The following ISG15 variants were observed in gnomAD, a reference collection of about 807,000 sequenced individuals.
ISG15 encodes ISG15 ubiquitin like modifier.
A neutral mutation model predicts 2.4 loss-of-function variants in ISG15; 2 were observed. The observed-to-expected ratio is 0.82, with a 90% confidence interval of 0.33 to 2.57. The LOEUF (loss-of-function observed/expected upper bound fraction) is 2.57. Ranked by LOEUF, ISG15 falls within the 30% of genes most tolerant of loss-of-function variation. The probability of loss-of-function intolerance (pLI) is 0.11; values close to 1 mark genes in which losing one functional copy is unlikely to be tolerated. For synonymous variants in ISG15, 116 were observed against 108.1 expected, an observed-to-expected ratio of 1.07 and a Z score of -0.45; for missense variants, 224 against 228.4, an observed-to-expected ratio of 0.98 and a Z score of 0.13.
In ISG15 at chr1:1,014,293, G is replaced by A. The variant is rs1644250754; in HGVS notation, c.313G>A (p.Ala105Thr). The A allele has an allele frequency of 3.1e-6, 5 of 1,613,666 alleles. No homozygotes were observed. Among genetic ancestry groups the A allele is most frequent in the Non-Finnish European group, 4.2e-6 (5 of 1,180,006 alleles). ...TYEVRLTQTV[A>T]HLKQQVSGLE... ...CGAGGTACGGCTGACGCAGACCGTG[G>A]CCCACCTGAAGCAGCAAGTGAGCGG... The change falls in exon 2 of 2, where the codon GCC becomes ACC. Residue 105 changes from alanine (A) to threonine (T), a missense_variant. By Grantham distance (58) the Ala-to-Thr change is moderately conservative (BLOSUM62 0). Transcript: ENST00000649529.
Position 1,014,464 on chromosome 1 carries a change from G to T in ISG15, c.484G>T (p.Gly162Cys). The change falls in exon 2 of 2, where the codon GGC (glycine) becomes TGC (cysteine). Residue 162 changes from glycine (G) to cysteine (C), a missense_variant. Physicochemically the swap from Gly to Cys is radical, Grantham distance 159. Coordinates refer to ENST00000649529, the MANE Select transcript of ISG15 (RefSeq NM_005101.4). The stretch of plus-strand genomic sequence containing the variant: ...CCTGCGGGGAGGCGGCACAGAGCCT[G>T]GCGGGCGGAGCTAAGGGCCTCCACC... ...LRLRGGGTEP[G>C]GRS 1 of 1,605,626 alleles carries T rather than the reference G, an allele frequency of 6.2e-7. No individual in the cohort carries two copies. Among genetic ancestry groups the T allele is most frequent in the Non-Finnish European group, 8.5e-7 (1 of 1,174,532 alleles).
chr1:1,014,401 G>C lies in ISG15; in HGVS notation c.421G>C (p.Gly141Arg). ...LEDQLPLGEY[G>R]LKPLSTVFMN... is the part of the protein sequence containing the mutation. Reference sequence around the variant, plus strand: ...GGACCAGCTCCCGCTGGGGGAGTACGGCCTCAAGCCCCTGAGCACCGTGTT... The same window carrying C: ...GGACCAGCTCCCGCTGGGGGAGTACCGCCTCAAGCCCCTGAGCACCGTGTT... Residue 141 changes from glycine (G) to arginine (R), a missense_variant, in exon 2 of 2, where the codon GGC becomes CGC. Transcript: ENST00000649529. 2 of 1,613,194 alleles carry C rather than the reference G, an allele frequency of 1.2e-6. No homozygotes were observed. The highest frequency in any genetic ancestry group is 1.7e-6 in the Non-Finnish European group (2 of 1,180,016).
chr1:1,014,366 A>C lies in ISG15; in HGVS notation c.386A>C (p.Lys129Thr), dbSNP rs368702112. ...DDLFWLTFEG[K>T]PLEDQLPLGE... is the part of the protein sequence containing the mutation. ...CTGTTCTGGCTGACCTTCGAGGGGA[A>C]GCCCCTGGAGGACCAGCTCCCGCTG... The change falls in exon 2 of 2, where the codon AAG (lysine) becomes ACG (threonine). Residue 129 changes from lysine (K) to threonine (T), a missense_variant. Lys to Thr is a moderately conservative substitution (Grantham distance 78, BLOSUM62 -1). Transcript: ENST00000649529. 6.2e-7 allele frequency: 1 copy of C among 1,613,322 alleles called. No individual in the cohort carries two copies.
rs776822324 is a variant in ISG15 at position 1,014,362 on chromosome 1, G to A, written c.382G>A (p.Gly128Arg). 6.2e-7 allele frequency: 1 copy of A among 1,613,552 alleles called. No homozygotes were observed. The highest frequency in any genetic ancestry group is 1.1e-5 in the South Asian group (1 of 91,090). Residue 128 changes from glycine (G) to arginine (R), a missense_variant, in exon 2 of 2, where the codon GGG (glycine) becomes AGG (arginine). Physicochemically the swap from Gly to Arg is moderately radical, Grantham distance 125 (BLOSUM62 -2). Coordinates refer to ENST00000649529, the MANE Select transcript of ISG15 (RefSeq NM_005101.4). ...CGACCTGTTCTGGCTGACCTTCGAG[G>A]GGAAGCCCCTGGAGGACCAGCTCCC... ...QDDLFWLTFE[G>R]KPLEDQLPLG...
chr1:1,013,723 T>C, intron 1 of ISG15, 147 bp downstream of exon 1: 1 of 1,031,264 alleles, frequency 9.7e-7, no homozygotes, highest in Non-Finnish European at 1.4e-6. Context: ...TGAAAGCAGG[T>C]CACCCCTGAG....
At position 1,014,115 on chromosome 1, in the gene ISG15, G is replaced by T. The variant is rs556836730; in HGVS notation, c.135G>T (p.Leu45=). ...GCGTGCACGCCTTCCAGCAGCGTCT[G>T]GCTGTCCACCCGAGCGGTGTGGCGC... ...KIGVHAFQQR[L]AVHPSGVALQ... is the part of the protein sequence containing the mutation. Residue 45 remains leucine (L), a synonymous_variant, in exon 2 of 2, where the codon CTG becomes CTT. Coordinates refer to ENST00000649529, the MANE Select transcript of ISG15 (RefSeq NM_005101.4). The T allele has an allele frequency of 8.7e-5, 140 of 1,613,214 alleles. No homozygotes were observed. The highest frequency in any genetic ancestry group is 8.0e-4 in the Admixed American group (48 of 60,010).
rs1013005860 is a variant in ISG15 at position 1,013,933 on chromosome 1, G to C, written c.4-51G>C. 1.9e-6 allele frequency: 3 copies of C among 1,544,370 alleles called. No homozygotes were observed. In the African/African-American group the frequency reaches 4.1e-5, roughly 21 times the overall value. On this transcript the variant is annotated intron_variant, in intron 1 of 1. Transcript: ENST00000649529. ...GCCCTGCAGCCAGTGCCTTGTGTGT[G>C]GTGGGCCTGGGGCTGGCGCCGCAGT... is the stretch of plus-strand genomic sequence containing the variant.
In ISG15 at chr1:1,014,152, G is replaced by T. The variant is rs757468186; in HGVS notation, c.172G>T (p.Val58Phe). 3.7e-6 allele frequency: 6 copies of T among 1,612,584 alleles called. No homozygotes were observed. The African/African-American group carries it at 8.0e-5, about 22-fold the overall frequency. Reference sequence around the variant, plus strand: ...GAGCGGTGTGGCGCTGCAGGACAGGGTCCCCCTTGCCAGCCAGGGCCTGGG... The same window carrying T: ...GAGCGGTGTGGCGCTGCAGGACAGGTTCCCCCTTGCCAGCCAGGGCCTGGG... ...HPSGVALQDR[V>F]PLASQGLGPG... The change falls in exon 2 of 2, where the codon GTC becomes TTC. Residue 58 changes from valine (V) to phenylalanine (F), a missense_variant. Val to Phe is a conservative substitution (Grantham distance 50, BLOSUM62 -1). Transcript: ENST00000649529.
chr1:1,013,847 C>T, intron 1 of ISG15, 137 bp from the exon 2 acceptor site: 14 of 1,236,660 alleles, frequency 1.1e-5, no homozygotes, highest in Non-Finnish European at 1.6e-5. Flanking sequence ...TGCCTGGGGT[C>T]CCTGCCGGCG....
In ISG15 at chr1:1,014,073, G is replaced by T. The variant is rs922906962; in HGVS notation, c.93G>T (p.Gln31His). ...TGTCGGTGTCAGAGCTGAAGGCGCA[G>T]ATCACCCAGAAGATCGGCGTGCACG... ...SSMSVSELKA[Q>H]ITQKIGVHAF... Residue 31 changes from glutamine to histidine, a missense_variant, in exon 2 of 2, where the codon CAG becomes CAT. Coordinates refer to ENST00000649529, the MANE Select transcript of ISG15 (RefSeq NM_005101.4). The T allele has an allele frequency of 2.5e-6, 4 of 1,613,184 alleles. No individual in the cohort carries two copies. The South Asian group carries it at 4.4e-5, about 18-fold the overall frequency.
At position 1,013,573 on chromosome 1, in the gene ISG15, C is replaced by G; in HGVS notation, c.-1C>G. On this transcript the variant is annotated 5_prime_UTR_variant, in exon 1 of 2. Transcript: ENST00000649529. ...TGGCCCACAGCCCACAGCCCACAGC[C>G]ATGGTAAGGCAGATGTCACAGGTGG... 6.2e-7 allele frequency: 1 copy of G among 1,613,616 alleles called. No homozygotes were observed. The highest frequency in any genetic ancestry group is 8.5e-7 in the Non-Finnish European group (1 of 1,179,906).
At position 1,014,504 on chromosome 1, in the gene ISG15, A is replaced by C. The variant is rs111516543; in HGVS notation, c.*26A>C. On this transcript the variant is annotated 3_prime_UTR_variant, in exon 2 of 2. Transcript: ENST00000649529. ...GGGCCTCCACCAGCATCCGAGCAGG[A>C]TCAAGGGCCGGAAATAAAGGCTGTT... The C allele has an allele frequency of 6.6e-5, 104 of 1,573,006 alleles. No homozygotes were observed. In the African/African-American group the frequency reaches 1.0e-3, roughly 16 times the overall value.
chr1:1,014,236 G>C lies in ISG15; in HGVS notation c.256G>C (p.Val86Leu). 1 of 1,613,616 alleles carries C rather than the reference G, an allele frequency of 6.2e-7. No individual in the cohort carries two copies. The highest frequency in any genetic ancestry group is 8.5e-7 in the Non-Finnish European group (1 of 1,179,996). The change falls in exon 2 of 2, where the codon GTG becomes CTG. Residue 86 changes from valine (V) to leucine (L), a missense_variant. Transcript: ENST00000649529. ...ATGCGACGAACCTCTGAGCATCCTGGTGAGGAATAACAAGGGCCGCAGCAG... is the reference window on the plus strand; with the variant it reads ...ATGCGACGAACCTCTGAGCATCCTGCTGAGGAATAACAAGGGCCGCAGCAG... ...DKCDEPLSIL[V>L]RNNKGRSSTY...
At chr1:1,013,875 A>G in intron 1 of ISG15, 109 bp from the exon 2 acceptor site, 1 of 1,399,510 alleles carries the variant, frequency 7.1e-7, no homozygotes, top group Non-Finnish European at 9.6e-7. Flanking sequence ...GAGGACAGAC[A>G]GGAGGGAGCA....
intron 1 of ISG15, 52 bp from the exon 2 acceptor site, chr1:1,013,932 T>G: frequency 6.5e-7 from 1 of 1,544,022 alleles, no homozygotes. Flanking sequence ...GCCTTGTGTG[T>G]GGTGGGCCTG....
intron 1 of ISG15, 144 bp downstream of exon 1, chr1:1,013,720 A>T: frequency 9.6e-7 from 1 of 1,037,356 alleles, no homozygotes; most frequent in Admixed American, 2.3e-5. Context: ...TCCTGAAAGC[A>T]GGTCACCCCT....
In ISG15 at chr1:1,014,433, TCTGCGCCTGCGGGGAGGCGGCACAGAGC is replaced by T. The variant is rs1557674445; in HGVS notation, c.457_484del (p.Arg153AlafsTer19). 9 of 1,610,846 alleles carry T rather than the reference TCTGCGCCTGCGGGGAGGCGGCACAGAGC, an allele frequency of 5.6e-6. No homozygotes were observed. Among genetic ancestry groups the T allele is most frequent in the Non-Finnish European group, 7.6e-6 (9 of 1,178,188 alleles). ...AGCCCCTGAGCACCGTGTTCATGAA[TCTGCGCCTGCGGGGAGGCGGCACAGAGC>T]CTGGCGGGCGGAGCTAAGGGCCTCC... On this transcript the variant is annotated frameshift_variant, in exon 2 of 2. Coordinates refer to ENST00000649529, the MANE Select transcript of ISG15 (RefSeq NM_005101.4). LOFTEE classifies it low-confidence loss of function (END_TRUNC).
At chr1:1,013,602 G>T in intron 1 of ISG15, 26 bp downstream of exon 1, 1 of 1,613,074 alleles carries the variant, frequency 6.2e-7, no homozygotes, top group African/African-American at 1.3e-5. Context: ...CAGGTGGGGG[G>T]AGGTGGGCTC....
In ISG15 at chr1:1,014,342, T is replaced by A. The variant is rs748715915; in HGVS notation, c.362T>A (p.Leu121Gln). 2 of 1,613,652 alleles carry A rather than the reference T, an allele frequency of 1.2e-6. No homozygotes were observed. The highest frequency in any genetic ancestry group is 1.7e-6 in the Non-Finnish European group (2 of 1,180,020). ...VSGLEGVQDDLFWLTFEGKPL... is the reference protein window; with the variant it reads ...VSGLEGVQDDQFWLTFEGKPL... ...GGGCTGGAGGGTGTGCAGGACGACCTGTTCTGGCTGACCTTCGAGGGGAAG... is the reference window on the plus strand; with the variant it reads ...GGGCTGGAGGGTGTGCAGGACGACCAGTTCTGGCTGACCTTCGAGGGGAAG... Residue 121 changes from leucine (L) to glutamine (Q), a missense_variant, in exon 2 of 2, where the codon CTG becomes CAG. Physicochemically the swap from Leu to Gln is moderately radical, Grantham distance 113 (BLOSUM62 -2). Transcript: ENST00000649529.
Sources: allele counts gnomAD v4.1 joint callset, GRCh38; gene constraint gnomAD v4.1.1; transcripts MANE v1.5; gene names NCBI Gene and HGNC (gene_info 2026-07-23, HGNC 2026-07-21).